Variants in PCDHGB2 observed in about 807,000 individuals in gnomAD.
PCDHGB2 encodes the protein protocadherin gamma subfamily B, 2, also known as protocadherin gamma-B2.
A neutral mutation model predicts 59.3 loss-of-function variants in PCDHGB2; 55 were observed. That is an observed-to-expected ratio of 0.93 (90% CI 0.75 to 1.16). The LOEUF is 1.16. Ranked by LOEUF, PCDHGB2 falls within the 50% of genes most tolerant of loss-of-function variation. The pLI is 0.00. For synonymous variants in PCDHGB2, 516 were observed against 512.0 expected (o/e 1.01, Z -0.11); for missense variants, 1,228 against 1,198.5 (o/e 1.02, Z -0.36).
chr5:141,490,421 C>T lies in PCDHGB2; in HGVS notation c.2422-4386C>T. On this transcript the variant is annotated intron_variant, in intron 1 of 3. Coordinates refer to ENST00000522605, the MANE Select transcript of PCDHGB2 (RefSeq NM_018923.3). The surrounding 1 kb of genome is among the most constrained non-coding windows in gnomAD (Gnocchi z 5.4). ...AGCCTTGATATCTCTCCGGACCTGCCATTTCAGATTAAGCCTTCTGAGAAC... is the reference window on the plus strand; with the variant it reads ...AGCCTTGATATCTCTCCGGACCTGCTATTTCAGATTAAGCCTTCTGAGAAC... 1 of 1,614,192 alleles carries T rather than the reference C, an allele frequency of 6.2e-7. No homozygotes were observed. The highest frequency in any genetic ancestry group is 8.5e-7 in the Non-Finnish European group (1 of 1,180,016).
At position 141,361,715 on chromosome 5, in the gene PCDHGB2, C is replaced by T. The variant is rs1299117104; in HGVS notation, c.1580C>T (p.Ala527Val). ...QRAFDHEQLR[A>V]FELTLQARDQ... ...GCCTTCGATCATGAGCAGCTGCGCG[C>T]CTTCGAGCTCACACTGCAGGCCCGC... Residue 527 changes from alanine to valine, a missense_variant, in exon 1 of 4, where the codon GCC (alanine) becomes GTC (valine). Physicochemically the swap from Ala to Val is moderately conservative, Grantham distance 64 (BLOSUM62 0). Around this residue, in one of 3 missense-constraint regions of PCDHGB2, gnomAD observed 781 missense variants for 721.6 expected, o/e 1.08. Transcript: ENST00000522605. The T allele has an allele frequency of 1.2e-5, 19 of 1,613,280 alleles. No individual in the cohort carries two copies. Among genetic ancestry groups the T allele is most frequent in the Non-Finnish European group, 1.6e-5 (19 of 1,179,886 alleles).
At position 141,486,484 on chromosome 5, in the gene PCDHGB2, C is replaced by G. The variant is rs200150307; in HGVS notation, c.2422-8323C>G. ...ATGCTGGGAACCCTCCTCTCAGTAC[C>G]CACAGAACTATTTTCCTCAATATTT... On this transcript the variant is annotated intron_variant, in intron 1 of 3. Transcript: ENST00000522605. The surrounding 1 kb of genome is among the most constrained non-coding windows in gnomAD (Gnocchi z 5.0). The G allele has an allele frequency of 2.8e-5, 45 of 1,614,102 alleles. No homozygotes were observed. In the Admixed American group the frequency reaches 5.5e-4, roughly 20 times the overall value.
intron 1 of PCDHGB2, chr5:141,423,804 T>A: frequency 8.1e-7 from 1 of 1,240,508 alleles, no homozygotes; most frequent in Non-Finnish European, 1.0e-6. Context: ...GAGCAATACA[T>A]GTGAGTTTTA....
chr5:141,421,400 G>A (rs2096569762), intron 1 of PCDHGB2: 1 of 1,614,060 alleles, frequency 6.2e-7, no homozygotes, highest in Non-Finnish European at 8.5e-7. Context: ...CTGGAGCCCC[G>A]GGAGCTGGCG....
In PCDHGB2 at chr5:141,404,750, C is replaced by G. The variant is rs1321458841; in HGVS notation, c.2421+42194C>G. The stretch of plus-strand genomic sequence containing the variant: ...GGTGGCAGTGGACAGAGACTCAGGC[C>G]AGAATGCTTGGCTCTCCTACCGCCT... On this transcript the variant is annotated intron_variant, in intron 1 of 3. Coordinates refer to ENST00000522605, the MANE Select transcript of PCDHGB2 (RefSeq NM_018923.3). 10 of 1,613,702 alleles carry G rather than the reference C, an allele frequency of 6.2e-6. No homozygotes were observed. In the African/African-American group the frequency reaches 1.3e-4, roughly 22 times the overall value.
intron 1 of PCDHGB2, chr5:141,393,579 C>A: frequency 6.2e-7 from 1 of 1,613,888 alleles, no homozygotes; most frequent in South Asian, 1.1e-5. Flanking sequence ...TGAGAACATG[C>A]CCCCAGGCAC....
At chr5:141,398,242 G>A (rs768096349) in intron 1 of PCDHGB2, 11 of 1,476,422 alleles carry the variant, frequency 7.5e-6, no homozygotes, top group Admixed American at 6.1e-5. Context: ...CAGGATTCCC[G>A]AGGAAATGCC....
chr5:141,455,860 A>ATTATTTATTTAT (rs145569377), intron 1 of PCDHGB2, among the ~76,000 whole-genome samples: 9 of 139,836 alleles, frequency 6.4e-5, no homozygotes, highest in African/African-American at 7.9e-5. Context: ...AATTTCTTTT[A>ATTATTTATTTAT]TTATTTATTT....
intron 1 of PCDHGB2, chr5:141,376,356 CA>C (rs1259525756): frequency 2.5e-6 from 4 of 1,614,228 alleles, no homozygotes; most frequent in Non-Finnish European, 1.7e-6. Context: ...CACGAGGTCT[CA>C]CTCACTGCAG....
chr5:141,418,712 G>A (rs1431536945), intron 1 of PCDHGB2: 1 of 1,613,976 alleles, frequency 6.2e-7, no homozygotes, highest in African/African-American at 1.3e-5. Context: ...CTTTGGTGTG[G>A]CTGACAAAGC....
chr5:141,436,095 GA>G (rs2097795730), intron 1 of PCDHGB2, among the ~76,000 whole-genome samples: 2 of 152,112 alleles, frequency 1.3e-5, no homozygotes, highest in Non-Finnish European at 2.9e-5. Context: ...AATATTGAGA[GA>G]AATAGAGGAC....
intron 1 of PCDHGB2, chr5:141,433,226 C>G (rs1433770157): frequency 6.6e-7 from 1 of 1,514,890 alleles, no homozygotes; most frequent in Non-Finnish European, 9.0e-7. Context: ...TTTTTAATTG[C>G]TCTGTCTCCC....
chr5:141,369,623 T>A (rs996291828), intron 1 of PCDHGB2, among the ~76,000 whole-genome samples: 4 of 152,224 alleles, frequency 2.6e-5, no homozygotes, highest in Admixed American at 2.6e-4. Flanking sequence ...CATTTCCTCA[T>A]TACCTTTAAC....
chr5:141,490,010 T>C lies in PCDHGB2; in HGVS notation c.2422-4797T>C, dbSNP rs749356078. On this transcript the variant is annotated intron_variant, in intron 1 of 3. Coordinates refer to ENST00000522605, the MANE Select transcript of PCDHGB2 (RefSeq NM_018923.3). The surrounding 1 kb of genome is among the most constrained non-coding windows in gnomAD (Gnocchi z 5.4). ...GTGGGAATCCCAGAGAATGCACCCA[T>C]TGGTACTCTGCTGCTCCGCCTCAAT... 11 of 1,614,198 alleles carry C rather than the reference T, an allele frequency of 6.8e-6. No homozygotes were observed. The highest frequency in any genetic ancestry group is 2.2e-5 in the South Asian group (2 of 91,082).
intron 1 of PCDHGB2, chr5:141,441,971 G>T: frequency 3.3e-6 from 1 of 298,820 alleles, no homozygotes; most frequent in Non-Finnish European, 6.5e-6. Context: ...AGGCTCTTCA[G>T]CCTGGAATGC....
chr5:141,430,897 C>T, intron 1 of PCDHGB2: 1 of 1,605,442 alleles, frequency 6.2e-7, no homozygotes, highest in Non-Finnish European at 8.5e-7. Context: ...CTAGGGTGGG[C>T]GACATCTCCA....
intron 1 of PCDHGB2, among the ~76,000 whole-genome samples, chr5:141,449,310 A>G (rs1006876700): frequency 4.6e-5 from 7 of 152,112 alleles, no homozygotes; most frequent in Non-Finnish European, 7.4e-5. Context: ...TATGTATTAT[A>G]TAATTGTATC....
chr5:141,403,006 G>C (rs536630249), intron 1 of PCDHGB2: 3 of 1,613,888 alleles, frequency 1.9e-6, no homozygotes, highest in Non-Finnish European at 2.5e-6. Context: ...TGCTATGCTC[G>C]CTCCTGGGGA....
chr5:141,425,401 T>C (rs1280463432), intron 1 of PCDHGB2, among the ~76,000 whole-genome samples: 1 of 152,234 alleles, frequency 6.6e-6, no homozygotes, highest in Non-Finnish European at 1.5e-5. Context: ...AAAGTTCTGT[T>C]AAGGTATAAC....
Sources: allele counts gnomAD v4.1 joint callset (sites outside exome capture counted in the v4.1 genomes callset), GRCh38; gene constraint gnomAD v4.1.1; regional missense constraint gnomAD v4.1.1; non-coding constraint Gnocchi (gnomAD v3.1); transcripts MANE v1.5; gene names NCBI Gene and HGNC (gene_info 2026-07-23, HGNC 2026-07-21).